The following SMG7 variants were observed in gnomAD, a reference collection of about 807,000 sequenced individuals.
SMG7 encodes SMG7 nonsense mediated mRNA decay factor.
Under a neutral mutation model 148.2 loss-of-function variants are expected in SMG7, and 34 were observed. The observed-to-expected ratio is 0.23, with a 90% CI of 0.17 to 0.31. The LOEUF (loss-of-function observed/expected upper bound fraction) is 0.31. Among genes scored for constraint, SMG7 ranks in the 10% least tolerant of loss-of-function variants. The probability of loss-of-function intolerance (pLI) is 1.00; values close to 1 mark genes in which losing one functional copy is unlikely to be tolerated. For synonymous variants in SMG7, 492 were observed against 515.1 expected (o/e 0.96, Z 0.61); for missense variants, 1,114 against 1,408.4 (o/e 0.79, Z 3.35).
intron 14 of SMG7, among the ~76,000 whole-genome samples, chr1:183,542,927 A>ATGTGTGTGTG (rs3979479): frequency 1.2e-3 from 98 of 85,162 alleles, no homozygotes; most frequent in African/African-American, 3.5e-3. Flanking sequence ...ATATATATAT[A>ATGTGTGTGTG]TGTGTGTGTG....
At chr1:183,543,029 A>G (rs574336334) in intron 14 of SMG7, among the ~76,000 whole-genome samples, 33 of 150,484 alleles carry the variant, frequency 2.2e-4, no homozygotes, top group African/African-American at 3.4e-4. Flanking sequence ...TGTCCCGGCT[A>G]TTGGTATTAA....
At chr1:183,528,754 G>C (rs1032307250) in intron 6 of SMG7, 138 bp from the exon 7 acceptor site, 1 of 718,946 alleles carries the variant, frequency 1.4e-6, no homozygotes, top group Non-Finnish European at 2.3e-6. Context: ...CCTTACGCTG[G>C]TTTGCAATGA....
At chr1:183,486,582 T>C (rs1362129703) in intron 1 of SMG7, among the ~76,000 whole-genome samples, 1 of 148,462 alleles carries the variant, frequency 6.7e-6, no homozygotes, top group African/African-American at 2.5e-5. Context: ...GGCCGATTTT[T>C]GTGTTTTTAG....
At chr1:183,502,310 T>G in intron 1 of SMG7, 1 of 1,534,880 alleles carries the variant, frequency 6.5e-7, no homozygotes, top group Non-Finnish European at 8.7e-7. Context: ...ATAGTCATTG[T>G]GGGAGAAAAC....
intron 1 of SMG7, among the ~76,000 whole-genome samples, chr1:183,483,646 G>A (rs190122612): frequency 8.5e-4 from 129 of 152,208 alleles, no homozygotes; most frequent in Middle Eastern, 3.4e-3. Context: ...TGAAATTTTT[G>A]TACTTTTAAC....
At position 183,545,273 on chromosome 1, in the gene SMG7, T is replaced by C; in HGVS notation, c.2331T>C (p.Ala777=). ...AATCCCCTACAAAAGCTGTGCCGGC[T>C]TTGGGGAAAAGCCCGCCTCACCACT... ...QQQSPTKAVP[A]LGKSPPHHSG... Residue 777 remains alanine (A), a synonymous_variant, in exon 16 of 23, where the codon GCT becomes GCC. Transcript: ENST00000688051. 1 of 1,612,854 alleles carries C rather than the reference T, an allele frequency of 6.2e-7. No homozygotes were observed. Among genetic ancestry groups the C allele is most frequent in the African/African-American group, 1.3e-5 (1 of 75,036 alleles).
intron 1 of SMG7, among the ~76,000 whole-genome samples, chr1:183,498,447 G>A (rs1421680330): frequency 6.6e-6 from 1 of 152,184 alleles, no homozygotes; most frequent in East Asian, 1.9e-4. Flanking sequence ...GAGCCTAGGA[G>A]GTTGAGGCTG....
intron 1 of SMG7, among the ~76,000 whole-genome samples, chr1:183,491,543 A>G (rs1219707087): frequency 6.6e-6 from 1 of 152,208 alleles, no homozygotes; most frequent in Non-Finnish European, 1.5e-5. Flanking sequence ...GGGTACATAC[A>G]TATGTGGCTA....
Position 183,546,288 on chromosome 1 carries a change from C to T in SMG7, c.2693C>T (p.Pro898Leu), listed in dbSNP as rs1230089021. 3.7e-6 allele frequency: 6 copies of T among 1,613,880 alleles called. No homozygotes were observed. The highest frequency in any genetic ancestry group is 1.7e-5 in the Admixed American group (1 of 59,976). Reference protein sequence around the residue: ...ANIDRRGKRSPGVFRPEQDPV... With the variant: ...ANIDRRGKRSLGVFRPEQDPV... The stretch of plus-strand genomic sequence containing the variant: ...ATAGACCGCAGGGGCAAACGGTCAC[C>T]AGGAGTCTTCCGTCCAGAGCAGGAT... The change falls in exon 17 of 23, where the codon CCA (proline) becomes CTA (leucine). Residue 898 changes from proline (P) to leucine (L), a missense_variant. By Grantham distance (98) the Pro-to-Leu change is moderately conservative. This residue lies in a region of SMG7 where 788 missense variants were observed against 894.5 expected (regional missense o/e 0.88). Transcript: ENST00000688051.
rs1671180066 is a variant in SMG7, at chr1:183,552,189, A to G, written c.*258A>G. On this transcript the variant is annotated 3_prime_UTR_variant, in exon 23 of 23. Coordinates refer to ENST00000688051, the MANE Select transcript of SMG7 (RefSeq NM_001375584.1). Reference sequence around the variant, plus strand: ...AGAGGAACTGCTGTTTATCTCACTCAGTTACTTGGTATCACCGCCTCTCAC... The same window carrying G: ...AGAGGAACTGCTGTTTATCTCACTCGGTTACTTGGTATCACCGCCTCTCAC... 1 of 1,126,704 alleles carries G rather than the reference A, an allele frequency of 8.9e-7. No individual in the cohort carries two copies. The highest frequency in any genetic ancestry group is 1.1e-6 in the Non-Finnish European group (1 of 918,516). The allele number at this position is 1,126,704 out of a possible 1,614,324, so 69.8% of individuals were successfully genotyped here.
chr1:183,537,356 A>G (rs1667976588), intron 11 of SMG7, 141 bp downstream of exon 11: 1 of 641,060 alleles, frequency 1.6e-6, no homozygotes. Context: ...ACTCTACATA[A>G]GTGGGTGGGT....
At chr1:183,493,053 C>G (rs1166694874) in intron 1 of SMG7, among the ~76,000 whole-genome samples, 1 of 152,174 alleles carries the variant, frequency 6.6e-6, no homozygotes, top group Non-Finnish European at 1.5e-5. Flanking sequence ...ACTGCGACTT[C>G]AAACTCTTAG....
chr1:183,523,523 C>G (rs974245314), intron 4 of SMG7, among the ~76,000 whole-genome samples: 1 of 152,166 alleles, frequency 6.6e-6, no homozygotes, highest in Non-Finnish European at 1.5e-5. Context: ...TAACTAAGTT[C>G]TTATCAGACT....
chr1:183,542,141 T>C lies in SMG7; in HGVS notation c.1481T>C (p.Leu494Pro). 6.2e-7 allele frequency: 1 copy of C among 1,614,124 alleles called. No individual in the cohort carries two copies. The highest frequency in any genetic ancestry group is 1.1e-5 in the South Asian group (1 of 91,084). Residue 494 changes from leucine to proline, a missense_variant, in exon 14 of 23, where the codon CTG (leucine) becomes CCG (proline). Physicochemically the swap from Leu to Pro is moderately conservative, Grantham distance 98. This residue lies in a region of SMG7 where 788 missense variants were observed against 894.5 expected (regional missense o/e 0.88). Transcript: ENST00000688051. Reference protein sequence around the residue: ...LFITEIPELILEDPSEAKENL... With the variant: ...LFITEIPELIPEDPSEAKENL... ...ATCACAGAAATCCCAGAATTAATAC[T>C]GGAAGACCCCAGTGAAGCCAAAGAG...
intron 1 of SMG7, among the ~76,000 whole-genome samples, chr1:183,490,735 C>T (rs1260459504): frequency 1.3e-5 from 2 of 152,028 alleles, no homozygotes; most frequent in Non-Finnish European, 2.9e-5. Context: ...ACATATGCCC[C>T]TATAACCATC....
intron 1 of SMG7, 55 bp downstream of exon 1, chr1:183,472,704 T>C (rs1650962000): frequency 7.0e-7 from 1 of 1,419,834 alleles, no homozygotes; most frequent in Non-Finnish European, 9.3e-7. Flanking sequence ...GGTTGGGGCA[T>C]GGAGCAACAG....
chr1:183,504,691 C>A (rs1257322025), intron 1 of SMG7, among the ~76,000 whole-genome samples: 1 of 152,116 alleles, frequency 6.6e-6, no homozygotes, highest in East Asian at 1.9e-4. Context: ...TGGCTCTTAA[C>A]ACTTTCTCTG....
In SMG7 at chr1:183,547,147, T is replaced by C. The variant is rs1226546195; in HGVS notation, c.2787T>C (p.Ser929=). The part of the protein sequence containing the change: ...SPLLPPDLLK[S]LAALEEEEEL... ...TGCTTCCTCCGGACCTGTTAAAGAG[T>C]CTGGCTGCCTTGGAGGAAGAGGAAG... Residue 929 remains serine, a synonymous_variant, in exon 18 of 23, where the codon AGT becomes AGC. Coordinates refer to ENST00000688051, the MANE Select transcript of SMG7 (RefSeq NM_001375584.1). The C allele has an allele frequency of 1.4e-5, 21 of 1,550,386 alleles. No individual in the cohort carries two copies. The East Asian group carries it at 2.2e-4, about 16-fold the overall frequency.
chr1:183,488,198 G>A (rs1655974744), intron 1 of SMG7, among the ~76,000 whole-genome samples: 1 of 152,236 alleles, frequency 6.6e-6, no homozygotes, highest in East Asian at 1.9e-4. Flanking sequence ...ATGGTGACAT[G>A]AGAATAGTTG....
Sources: allele counts gnomAD v4.1 joint callset (sites outside exome capture counted in the v4.1 genomes callset), GRCh38; gene constraint gnomAD v4.1.1; regional missense constraint gnomAD v4.1.1; transcripts MANE v1.5; gene names NCBI Gene and HGNC (gene_info 2026-07-23, HGNC 2026-07-21).